The following ST6GALNAC3 variants were observed in gnomAD, a reference collection of about 807,000 sequenced individuals.
The protein encoded by ST6GALNAC3 is alpha-N-acetylgalactosaminide alpha-2,6-sialyltransferase 3.
A neutral mutation model predicts 32.7 loss-of-function variants in ST6GALNAC3; 25 were observed. That is an observed-to-expected ratio of 0.76 (90% CI 0.56 to 1.07). The LOEUF is 1.07. ST6GALNAC3 is among the 50% of genes least tolerant of loss of function. The pLI, the probability that ST6GALNAC3 is intolerant of heterozygous loss-of-function variation, is 0.00. For synonymous variants in ST6GALNAC3, 129 were observed against 133.1 expected (o/e 0.97, Z 0.21); for missense variants, 355 against 382.4 (o/e 0.93, Z 0.60).
chr1:76,462,325 C>T (rs886685035), intron 3 of ST6GALNAC3, among the ~76,000 whole-genome samples: 4 of 152,076 alleles, frequency 2.6e-5, no homozygotes, highest in Admixed American at 1.3e-4. Context: ...CAGCCATTTT[C>T]ATAAGTCCCT....
At chr1:76,410,903 G>A (rs1246432795) in intron 2 of ST6GALNAC3, among the ~76,000 whole-genome samples, 1 of 151,946 alleles carries the variant, frequency 6.6e-6, no homozygotes, top group Non-Finnish European at 1.5e-5. Flanking sequence ...ACTGTCTAGT[G>A]GACAGACATA....
At chr1:76,411,811 A>G (rs1654257255) in intron 2 of ST6GALNAC3, among the ~76,000 whole-genome samples, 197 bp from the exon 3 acceptor site, 1 of 152,242 alleles carries the variant, frequency 6.6e-6, no homozygotes, top group East Asian at 1.9e-4. Flanking sequence ...TTGACGGTAT[A>G]CTTTTTCTTT....
intron 1 of ST6GALNAC3, among the ~76,000 whole-genome samples, chr1:76,214,135 G>T (rs72675923): frequency 6.6e-6 from 1 of 151,896 alleles, no homozygotes; most frequent in Non-Finnish European, 1.5e-5. Flanking sequence ...GCCCAATATG[G>T]CAGCCACTAC....
At chr1:76,427,415 G>C (rs1655466079) in intron 3 of ST6GALNAC3, among the ~76,000 whole-genome samples, 2 of 151,986 alleles carry the variant, frequency 1.3e-5, no homozygotes, top group East Asian at 1.9e-4. Context: ...TCTGGGAATG[G>C]CTCTGCATTT....
At chr1:76,376,702 T>C (rs1191744375) in intron 2 of ST6GALNAC3, among the ~76,000 whole-genome samples, 5 of 152,246 alleles carry the variant, frequency 3.3e-5, no homozygotes, top group African/African-American at 1.2e-4. Flanking sequence ...ATCTGATTTT[T>C]AATTAGTGTA....
intron 2 of ST6GALNAC3, among the ~76,000 whole-genome samples, chr1:76,323,379 G>A (rs955765699): frequency 2.6e-5 from 4 of 152,106 alleles, no homozygotes; most frequent in African/African-American, 7.2e-5. Context: ...CTCTTACAGA[G>A]TACATACTAT....
chr1:76,276,278 C>G (rs932404779), intron 1 of ST6GALNAC3, among the ~76,000 whole-genome samples: 1 of 152,042 alleles, frequency 6.6e-6, no homozygotes, highest in African/African-American at 2.4e-5. Flanking sequence ...GCAATGCCTC[C>G]TATATCCCCT....
At chr1:76,511,151 C>T (rs185410888) in intron 3 of ST6GALNAC3, among the ~76,000 whole-genome samples, 132 of 152,100 alleles carry the variant, frequency 8.7e-4, no homozygotes, top group South Asian at 2.5e-3. Flanking sequence ...TGTCCCTGCC[C>T]TCTACTCTTA....
At chr1:76,277,517 T>TATG (rs1202682904) in intron 1 of ST6GALNAC3, among the ~76,000 whole-genome samples, 1 of 143,470 alleles carries the variant, frequency 7.0e-6, no homozygotes. Flanking sequence ...CATATATGTA[T>TATG]ATGTTTATGT....
chr1:76,593,242 T>A (rs1647078200), intron 3 of ST6GALNAC3, among the ~76,000 whole-genome samples: 1 of 152,194 alleles, frequency 6.6e-6, no homozygotes, highest in Non-Finnish European at 1.5e-5. Flanking sequence ...CAAGTGCTTA[T>A]CAAACAAAAT....
chr1:76,367,979 G>A lies in ST6GALNAC3; in HGVS notation c.214-44029G>A, dbSNP rs527811131. On this transcript the variant is annotated intron_variant, in intron 2 of 4. Transcript: ENST00000328299. ...AAAGTGCACAGCAAAGCGAACCTGT[G>A]GTCTCACTACTTTGCTTTATACTAT... is the stretch of plus-strand genomic sequence containing the variant. 5.9e-5 allele frequency among the ~76,000 whole-genome samples: 9 copies of A among 152,202 alleles called. No individual in the cohort carries two copies. The East Asian group carries it at 1.7e-3, about 29-fold the overall frequency.
At chr1:76,088,993 G>A (rs1327556762) in intron 1 of ST6GALNAC3, among the ~76,000 whole-genome samples, 4 of 152,096 alleles carry the variant, frequency 2.6e-5, no homozygotes, top group Non-Finnish European at 4.4e-5. Flanking sequence ...CTGTCAAGGA[G>A]TGTAGATTTG....
chr1:76,216,174 T>G (rs539462036), intron 1 of ST6GALNAC3, among the ~76,000 whole-genome samples: 14 of 152,226 alleles, frequency 9.2e-5, no homozygotes, highest in African/African-American at 3.1e-4. Flanking sequence ...CTGGACAATT[T>G]CCTCTCATGT....
chr1:76,502,761 T>A (rs980442586), intron 3 of ST6GALNAC3, among the ~76,000 whole-genome samples: 4 of 152,192 alleles, frequency 2.6e-5, no homozygotes, highest in African/African-American at 9.7e-5. Context: ...AACACCATTG[T>A]ACAGAAGAAA....
At chr1:76,207,438 A>G (rs1654882768) in intron 1 of ST6GALNAC3, among the ~76,000 whole-genome samples, 1 of 152,232 alleles carries the variant, frequency 6.6e-6, no homozygotes, top group South Asian at 2.1e-4. Context: ...TGTGGCTATA[A>G]CAACACAGAT....
chr1:76,257,732 T>C (rs2035611), intron 1 of ST6GALNAC3, among the ~76,000 whole-genome samples: 3,897 of 152,104 alleles, frequency 0.026, 157 homozygotes, highest in African/African-American at 0.09. Flanking sequence ...GCTTCTAAAA[T>C]GGGCCAAGAT....
intron 1 of ST6GALNAC3, among the ~76,000 whole-genome samples, chr1:76,256,668 G>T (rs979559937): frequency 1.3e-5 from 2 of 151,954 alleles, no homozygotes; most frequent in African/African-American, 4.8e-5. Context: ...GTGTTCACGG[G>T]ATGACAGCAG....
At chr1:76,358,219 G>T (rs981417432) in intron 2 of ST6GALNAC3, among the ~76,000 whole-genome samples, 2 of 151,970 alleles carry the variant, frequency 1.3e-5, no homozygotes, top group African/African-American at 4.8e-5. Context: ...GATGCTTGTG[G>T]CTTCAATTTT....
chr1:76,532,527 G>A (rs138893187), intron 3 of ST6GALNAC3, among the ~76,000 whole-genome samples: 34 of 152,100 alleles, frequency 2.2e-4, no homozygotes, highest in Non-Finnish European at 4.3e-4. Flanking sequence ...CAACCCAAAC[G>A]TAACATAGAA....
Sources: gnomAD v4.1 joint callset for allele counts (sites outside exome capture counted in the v4.1 genomes callset) on GRCh38, gnomAD v4.1.1 for gene constraint, MANE v1.5 for transcripts, NCBI Gene and HGNC (gene_info 2026-07-23, HGNC 2026-07-21) for gene names.